The following PCDH15 variants were observed in gnomAD, a reference collection of about 807,000 sequenced individuals.
PCDH15 encodes the protein protocadherin related 15.
PCDH15 carries 129 observed loss-of-function variants against 178.5 expected under a neutral mutation model. The ratio of observed to expected loss-of-function variants is 0.72; its 90% CI spans 0.63 to 0.84. PCDH15 has a LOEUF of 0.84. Among genes scored for constraint, PCDH15 ranks in the 40% least tolerant of loss-of-function variants. PCDH15 has a pLI of 0.00. For missense variants in PCDH15, 2,230 were observed against 2,099.9 expected, an observed-to-expected ratio of 1.06 and a Z score of -1.21; for synonymous variants, 800 against 732.0, an observed-to-expected ratio of 1.09 and a Z score of -1.50.
chr10:54,259,114 T>C lies in PCDH15; in HGVS notation c.877-22183A>G, dbSNP rs1329073054. Among the ~76,000 whole-genome samples, 5 of 151,906 alleles carry C rather than the reference T, an allele frequency of 3.3e-5. No homozygotes were observed. In the South Asian group the frequency reaches 6.2e-4, roughly 19 times the overall value. ...GTGACCTAAATTACTTTAAAGGTAATCTTGATCATAATAGAATGCTGCAGA... is the reference window on the plus strand; with the variant it reads ...GTGACCTAAATTACTTTAAAGGTAACCTTGATCATAATAGAATGCTGCAGA... On this transcript the variant is annotated intron_variant, in intron 8 of 37. Coordinates refer to ENST00000644397, the MANE Select transcript of PCDH15 (RefSeq NM_001384140.1).
At chr10:53,989,988 GTTAC>G (rs2091355773) in intron 21 of PCDH15, among the ~76,000 whole-genome samples, 1 of 152,136 alleles carries the variant, frequency 6.6e-6, no homozygotes, top group African/African-American at 2.4e-5. Context: ...TTACATGACT[GTTAC>G]TTTCTTTCTA....
chr10:54,008,683 C>T (rs2092466629), intron 20 of PCDH15, among the ~76,000 whole-genome samples: 1 of 150,702 alleles, frequency 6.6e-6, no homozygotes, highest in Non-Finnish European at 1.5e-5. Context: ...ATTTTTCGAT[C>T]TGGGAAGAAA....
chr10:55,260,554 A>G (rs1842122969), intron 1 of PCDH15, among the ~76,000 whole-genome samples: 1 of 152,200 alleles, frequency 6.6e-6, no homozygotes, highest in South Asian at 2.1e-4. Flanking sequence ...CAATGTTTCC[A>G]TGGAGTTAAA....
chr10:54,876,933 A>G (rs1238969514), intron 3 of PCDH15, among the ~76,000 whole-genome samples: 1 of 152,194 alleles, frequency 6.6e-6, no homozygotes, highest in Non-Finnish European at 1.5e-5. Flanking sequence ...AATGCTATCA[A>G]ACAGCATTGC....
chr10:54,906,708 G>A (rs1364495827), intron 2 of PCDH15, among the ~76,000 whole-genome samples: 1 of 152,152 alleles, frequency 6.6e-6, no homozygotes, highest in Non-Finnish European at 1.5e-5. Flanking sequence ...AAAGGTAAGA[G>A]AGGTTCATTT....
At chr10:53,821,604 AT>A in intron 32 of PCDH15, 1 of 1,210,308 alleles carries the variant, frequency 8.3e-7, no homozygotes, top group Non-Finnish European at 1.0e-6. Flanking sequence ...AGAGATTAAA[AT>A]TACTTACTTT....
In PCDH15 at chr10:54,987,229, G is replaced by C. The variant is rs141667096; in HGVS notation, c.-79-89729C>G. On this transcript the variant is annotated intron_variant, in intron 2 of 5. Transcript: ENST00000458638. ...TTTAAGGCTGCATAGTATTCCATGG[G>C]GTGTATGTGCCATATTTGCTTTATC... Among the ~76,000 whole-genome samples, 890 of 152,122 alleles carry C rather than the reference G, an allele frequency of 5.9e-3. 12 individuals carry two copies. The highest frequency in any genetic ancestry group is 0.021 in the African/African-American group (855 of 41,510).
At chr10:54,331,555 G>C (rs1398137404) in intron 6 of PCDH15, among the ~76,000 whole-genome samples, 2 of 151,974 alleles carry the variant, frequency 1.3e-5, no homozygotes, top group African/African-American at 2.4e-5. Context: ...TATGACACAG[G>C]AGTGTGAAAA....
intron 2 of PCDH15, among the ~76,000 whole-genome samples, chr10:55,425,421 A>T (rs1380789838): frequency 6.6e-6 from 1 of 152,092 alleles, no homozygotes; most frequent in African/African-American, 2.4e-5. Flanking sequence ...GTGTTGATGT[A>T]TTATCATAAT....
intron 3 of PCDH15, among the ~76,000 whole-genome samples, chr10:54,878,402 T>C (rs756513782): frequency 6.6e-6 from 1 of 152,198 alleles, no homozygotes; most frequent in Non-Finnish European, 1.5e-5. Context: ...AATACAAATA[T>C]GCAGATATTC....
chr10:55,067,304 G>T (rs531684010), intron 2 of PCDH15, among the ~76,000 whole-genome samples: 1 of 151,868 alleles, frequency 6.6e-6, no homozygotes, highest in Non-Finnish European at 1.5e-5. Flanking sequence ...AAGTTTTTTG[G>T]TTCTCATATA....
intron 3 of PCDH15, among the ~76,000 whole-genome samples, chr10:54,850,472 A>T (rs1487172492): frequency 6.6e-6 from 1 of 152,144 alleles, no homozygotes; most frequent in East Asian, 1.9e-4. Context: ...TGCAAAGTCC[A>T]TTGTATCCTT....
intron 2 of PCDH15, among the ~76,000 whole-genome samples, chr10:54,592,113 A>G (rs1031197387): frequency 6.6e-6 from 1 of 152,158 alleles, no homozygotes; most frequent in Admixed American, 6.6e-5. Flanking sequence ...ATACAAAACC[A>G]TGCATGGGTA....
chr10:55,368,865 G>T (rs569487309), intron 2 of PCDH15, among the ~76,000 whole-genome samples: 1 of 151,914 alleles, frequency 6.6e-6, no homozygotes, highest in Non-Finnish European at 1.5e-5. Flanking sequence ...TACAGGTTGC[G>T]TAAGAAGAAT....
intron 1 of PCDH15, among the ~76,000 whole-genome samples, chr10:55,307,782 A>G (rs1843470395): frequency 6.6e-6 from 1 of 151,944 alleles, no homozygotes; most frequent in Non-Finnish European, 1.5e-5. Context: ...GACACCATAA[A>G]AACATACTTC....
chr10:54,648,756 G>T (rs573139596), intron 2 of PCDH15, among the ~76,000 whole-genome samples: 1 of 152,180 alleles, frequency 6.6e-6, no homozygotes, highest in African/African-American at 2.4e-5. Flanking sequence ...ATACTTGAAT[G>T]AATGAATGAA....
intron 20 of PCDH15, among the ~76,000 whole-genome samples, chr10:54,014,764 AAAT>A (rs1245004019): frequency 1.3e-5 from 2 of 152,150 alleles, no homozygotes; most frequent in African/African-American, 4.8e-5. Flanking sequence ...ACATACTTTA[AAAT>A]AATAAAAGCC....
chr10:55,000,337 C>A (rs529139176), intron 2 of PCDH15, among the ~76,000 whole-genome samples: 9 of 152,300 alleles, frequency 5.9e-5, no homozygotes, highest in Admixed American at 5.9e-4. Flanking sequence ...ATATTTCTCC[C>A]ATTTGCTTTT....
At chr10:55,021,628 A>G (rs1368687086) in intron 2 of PCDH15, among the ~76,000 whole-genome samples, 3 of 152,220 alleles carry the variant, frequency 2.0e-5, no homozygotes, top group African/African-American at 7.2e-5. Flanking sequence ...AAATTAAAGT[A>G]TAGATATTCT....
Sources: allele counts gnomAD v4.1 joint callset (sites outside exome capture counted in the v4.1 genomes callset), GRCh38; gene constraint gnomAD v4.1.1; transcripts MANE v1.5; gene names NCBI Gene and HGNC (gene_info 2026-07-23, HGNC 2026-07-21).